Variants in LARGE1 observed in about 807,000 individuals in gnomAD.
LARGE1 encodes xylosyl- and glucuronyltransferase LARGE1.
In LARGE1, 43 loss-of-function variants were observed where a neutral mutation model predicts 87.6. The observed-to-expected ratio is 0.49, with a 90% confidence interval of 0.38 to 0.63. The LOEUF (loss-of-function observed/expected upper bound fraction) is 0.63, where lower values mean the gene tolerates loss of function less well. Ranked by LOEUF, LARGE1 falls within the 30% of genes least tolerant of loss-of-function variation. LARGE1 has a pLI of 0.00. For missense variants in LARGE1, 802 were observed against 1,000.2 expected (o/e 0.80, Z 2.67); for synonymous variants, 434 against 394.6 (o/e 1.10, Z -1.18).
At chr22:33,442,906 C>A (rs560262618) in intron 6 of LARGE1, among the ~76,000 whole-genome samples, 1 of 152,068 alleles carries the variant, frequency 6.6e-6, no homozygotes, top group South Asian at 2.1e-4. Context: ...CATTCTCCTG[C>A]CTCAGCCTCC....
intron 1 of LARGE1, among the ~76,000 whole-genome samples, chr22:33,914,790 C>T (rs1383468391): frequency 2.0e-5 from 3 of 152,020 alleles, no homozygotes; most frequent in African/African-American, 4.8e-5. Context: ...CCCTTTCCCT[C>T]CCTGGGCCTC....
At chr22:33,674,265 C>G (rs1208825004) in intron 2 of LARGE1, among the ~76,000 whole-genome samples, 1 of 152,144 alleles carries the variant, frequency 6.6e-6, no homozygotes, top group Non-Finnish European at 1.5e-5. Flanking sequence ...CTTCCCTCCC[C>G]CAAGCCCCTG....
At chr22:33,286,580 C>T (rs1031015416) in intron 12 of LARGE1, among the ~76,000 whole-genome samples, 11 of 152,140 alleles carry the variant, frequency 7.2e-5, no homozygotes, top group African/African-American at 9.7e-5. Context: ...ATAAACGTCT[C>T]GAGATGCTAG....
chr22:33,284,340 C>T (rs915216956), intron 12 of LARGE1, among the ~76,000 whole-genome samples: 1 of 152,146 alleles, frequency 6.6e-6, no homozygotes, highest in African/African-American at 2.4e-5. Flanking sequence ...AGACTCCAAG[C>T]CTTTAAAGCA....
At chr22:33,171,901 G>T (rs1922594243) in intron 11 of LARGE1, among the ~76,000 whole-genome samples, 1 of 152,188 alleles carries the variant, frequency 6.6e-6, no homozygotes, top group African/African-American at 2.4e-5. Flanking sequence ...ACCCCAGAAA[G>T]GTAGATCCAC....
chr22:33,326,385 G>A (rs1246273622), intron 10 of LARGE1, among the ~76,000 whole-genome samples: 2 of 152,156 alleles, frequency 1.3e-5, no homozygotes, highest in Non-Finnish European at 2.9e-5. Flanking sequence ...AGGAGGAGAG[G>A]CAATGAAGCC....
intron 6 of LARGE1, among the ~76,000 whole-genome samples, chr22:33,535,457 C>T (rs1322496336): frequency 5.3e-5 from 8 of 151,818 alleles, no homozygotes; most frequent in Non-Finnish European, 7.4e-5. Flanking sequence ...ACAGGAGAAT[C>T]GCTTGAACCC....
intron 6 of LARGE1, among the ~76,000 whole-genome samples, chr22:33,551,612 C>G (rs2077523392): frequency 6.6e-6 from 1 of 152,172 alleles, no homozygotes; most frequent in Non-Finnish European, 1.5e-5. Context: ...TGGACTTTAT[C>G]TCCATAAATT....
chr22:33,354,088 T>A (rs1940664665), intron 9 of LARGE1, among the ~76,000 whole-genome samples: 1 of 152,252 alleles, frequency 6.6e-6, no homozygotes, highest in South Asian at 2.1e-4. Context: ...GGATGGTTGC[T>A]GGTAGTATTC....
chr22:33,247,025 CTAT>C (rs1400004183), intron 11 of LARGE1, among the ~76,000 whole-genome samples: 2 of 147,402 alleles, frequency 1.4e-5, no homozygotes, highest in African/African-American at 2.5e-5. Flanking sequence ...AAAATTTTTA[CTAT>C]GAGAGAACTG....
intron 9 of LARGE1, among the ~76,000 whole-genome samples, chr22:33,358,337 A>C (rs2146852530): frequency 6.6e-6 from 1 of 152,162 alleles, no homozygotes; most frequent in East Asian, 1.9e-4. Context: ...CAATCCTCCA[A>C]AATCAACCTT....
intron 9 of LARGE1, among the ~76,000 whole-genome samples, chr22:33,359,934 GTC>G (rs1413462768): frequency 6.7e-6 from 1 of 149,462 alleles, no homozygotes; most frequent in African/African-American, 2.5e-5. Context: ...TTCCTTCCTT[GTC>G]TATAAGGAAC....
At chr22:33,137,265 T>C in the LARGE1 span, 1 of 152,322 alleles carries the variant, frequency 6.6e-6, no homozygotes, top group Non-Finnish European at 1.5e-5. Context: ...AGTCTTTGCT[T>C]GCAGGGTGCC....
chr22:33,126,922 A>G, the LARGE1 span, among the ~76,000 whole-genome samples: 1 of 152,224 alleles, frequency 6.6e-6, no homozygotes. Flanking sequence ...AGAGTCCATG[A>G]TGGCTGATTC....
the LARGE1 span, among the ~76,000 whole-genome samples, chr22:33,135,293 C>T: frequency 6.6e-6 from 1 of 152,152 alleles, no homozygotes; most frequent in Non-Finnish European, 1.5e-5. Context: ...GTTTCCCTTG[C>T]TTCTAATAGA....
chr22:33,468,195 T>G (rs2068693833), intron 6 of LARGE1, among the ~76,000 whole-genome samples: 1 of 152,152 alleles, frequency 6.6e-6, no homozygotes, highest in Non-Finnish European at 1.5e-5. Flanking sequence ...TTGAGGACTC[T>G]CCAAATCAAT....
intron 6 of LARGE1, among the ~76,000 whole-genome samples, chr22:33,444,567 C>A (rs76317619): frequency 0.042 from 6,314 of 151,986 alleles, 153 homozygotes; most frequent in South Asian, 0.068. Flanking sequence ...GATCCTTGGG[C>A]AGATTATAAA....
intron 9 of LARGE1, among the ~76,000 whole-genome samples, chr22:33,350,721 G>A (rs962678328): frequency 1.3e-5 from 2 of 152,280 alleles, no homozygotes; most frequent in African/African-American, 2.4e-5. Flanking sequence ...GCCCACTATT[G>A]CTCTTTTGTC....
intron 1 of LARGE1, among the ~76,000 whole-genome samples, chr22:33,843,393 C>T (rs750612020): frequency 6.6e-6 from 1 of 151,268 alleles, no homozygotes; most frequent in Non-Finnish European, 1.5e-5. Flanking sequence ...GACGAGATTG[C>T]ACCACTGCAC....
Sources: gnomAD v4.1 joint callset for allele counts (sites outside exome capture counted in the v4.1 genomes callset) on GRCh38, gnomAD v4.1.1 for gene constraint, MANE v1.5 for transcripts, NCBI Gene and HGNC (gene_info 2026-07-23, HGNC 2026-07-21) for gene names.